Variants in AP5Z1 observed in about 807,000 individuals in gnomAD.
AP5Z1 encodes AP-5 complex subunit zeta-1.
AP5Z1 carries 106 observed loss-of-function variants against 83.0 expected under a neutral mutation model. That is an observed-to-expected ratio of 1.28 (90% CI 1.09 to 1.50). AP5Z1 has a LOEUF of 1.50. AP5Z1 is among the 40% of genes most tolerant of loss of function. AP5Z1 has a pLI of 0.00. For synonymous variants in AP5Z1, 751 were observed against 514.1 expected (o/e 1.46, Z -6.23); for missense variants, 1,565 against 1,094.2 (o/e 1.43, Z -6.07).
At chr7:4,790,263 GGCCAGCGCTGGT>G in intron 14 of AP5Z1, 184 bp from the exon 15 acceptor site, 4 of 1,543,614 alleles carry the variant, frequency 2.6e-6, no homozygotes, top group Non-Finnish European at 3.5e-6. Flanking sequence ...CTGGGCCTGA[GGCCAGCGCTGGT>G]GCCAGCCTTC....
chr7:4,781,123 T>C, intron 1 of AP5Z1, 52 bp from the exon 2 acceptor site: 2 of 1,587,444 alleles, frequency 1.3e-6, no homozygotes, highest in African/African-American at 2.7e-5. Context: ...ATCCTTTTTT[T>C]GGTTCCGAGC....
chr7:4,789,794 G>A, intron 13 of AP5Z1, 38 bp from the exon 14 acceptor site: 2 of 1,517,698 alleles, frequency 1.3e-6, no homozygotes, highest in Non-Finnish European at 1.8e-6. Flanking sequence ...CCTGCAGTGG[G>A]GGTGGGGCTG....
chr7:4,785,404 C>T lies in AP5Z1; in HGVS notation c.932-11C>T, dbSNP rs1781509910. On this transcript the variant is annotated splice_polypyrimidine_tract_variant and intron_variant, in intron 7 of 16. Transcript: ENST00000649063. ...GAGACAGAGCCGGCTGACTTTTTCC[C>T]CTCCTTCCAGGAGCCCTGAGGAAGG... The T allele has an allele frequency of 5.6e-6, 9 of 1,612,678 alleles. No individual in the cohort carries two copies. The highest frequency in any genetic ancestry group is 6.8e-6 in the Non-Finnish European group (8 of 1,179,310).
intron 14 of AP5Z1, chr7:4,790,172 C>T (rs1420708440): frequency 2.4e-5 from 36 of 1,528,608 alleles, no homozygotes; most frequent in Non-Finnish European, 3.1e-5. Context: ...TAGCTCAGGT[C>T]CCTCTTCCCC....
chr7:4,788,992 A>G, intron 13 of AP5Z1, 41 bp downstream of exon 13: 1 of 1,560,176 alleles, frequency 6.4e-7, no homozygotes, highest in African/African-American at 1.4e-5. Flanking sequence ...CACAGGCCTC[A>G]CAACTGAGGG....
chr7:4,785,020 C>T lies in AP5Z1; in HGVS notation c.903C>T (p.Cys301=), dbSNP rs767005823. Residue 301 remains cysteine (C), a synonymous_variant, in exon 7 of 17, where the codon TGC becomes TGT. Transcript: ENST00000649063. ...TTCGGGAGGTGGCCTTCGAGTACTG[C>T]CAGCGCCTCATTGAGCAAAGTAACC... is the stretch of plus-strand genomic sequence containing the variant. The part of the protein sequence containing the change: ...ERLREVAFEY[C]QRLIEQSNRR... 6.2e-6 allele frequency: 10 copies of T among 1,608,102 alleles called. No individual in the cohort carries two copies. The East Asian group carries it at 2.2e-4, about 36-fold the overall frequency.
In AP5Z1 at chr7:4,786,430, T is replaced by C. The variant is rs752913500; in HGVS notation, c.1311+2T>C. 1.2e-6 allele frequency: 2 copies of C among 1,613,166 alleles called. No homozygotes were observed. Among genetic ancestry groups the C allele is most frequent in the African/African-American group, 1.3e-5 (1 of 74,794 alleles). ...TTGAGCTTCCCCAACCTCTTTAAGG[T>C]ATATTTGGGCATCCCTGGGTGCCAG... is the stretch of plus-strand genomic sequence containing the variant. On this transcript the variant is annotated splice_donor_variant, in intron 10 of 16. Transcript: ENST00000649063. LOFTEE classifies it high-confidence loss of function.
chr7:4,787,616 G>T lies in AP5Z1; in HGVS notation c.1312-18G>T, dbSNP rs371028007. ...CACAGCTCCGAGCCGTGTCCGAACC[G>T]CTGTGCTGTGCCCACAGTTCCTGGC... is the stretch of plus-strand genomic sequence containing the variant. On this transcript the variant is annotated intron_variant, in intron 10 of 16. Coordinates refer to ENST00000649063, the MANE Select transcript of AP5Z1 (RefSeq NM_014855.3). 24 of 1,547,502 alleles carry T rather than the reference G, an allele frequency of 1.6e-5. No homozygotes were observed. In the East Asian group the frequency reaches 4.1e-4, roughly 27 times the overall value.
intron 10 of AP5Z1, among the ~76,000 whole-genome samples, chr7:4,786,982 G>A (rs1781567771): frequency 1.3e-5 from 2 of 152,068 alleles, no homozygotes; most frequent in South Asian, 4.2e-4. Flanking sequence ...ATGTTGGCCA[G>A]GCTGGTCTCG....
intron 12 of AP5Z1, 167 bp downstream of exon 12, chr7:4,788,461 G>A (rs952978945): frequency 1.4e-5 from 12 of 852,472 alleles, no homozygotes; most frequent in African/African-American, 6.9e-5. Context: ...TCTGCACCAC[G>A]GGTCTGCCGG....
rs775375260 is a variant in AP5Z1 at position 4,786,368 on chromosome 7, C to T, written c.1251C>T (p.Asn417=). ...AATTCATCCAGTTCTGCAGGGACAA[C>T]CTCCACCTGTTCAGCGGGCACCTCA... ...AFEFIQFCRD[N]LHLFSGHLST... Residue 417 remains asparagine (N), a synonymous_variant, in exon 10 of 17, where the codon AAC becomes AAT. Transcript: ENST00000649063. 32 of 1,613,812 alleles carry T rather than the reference C, an allele frequency of 2.0e-5. No individual in the cohort carries two copies. The highest frequency in any genetic ancestry group is 2.3e-5 in the Non-Finnish European group (27 of 1,179,874).
chr7:4,788,379 A>G, intron 12 of AP5Z1, 85 bp downstream of exon 12: 2 of 1,422,122 alleles, frequency 1.4e-6, no homozygotes, highest in South Asian at 1.5e-5. Context: ...GCTCAGCCCT[A>G]GGCTGAGGCC....
chr7:4,781,167 T>G lies in AP5Z1; in HGVS notation c.42-8T>G, dbSNP rs1447964583. On this transcript the variant is annotated splice_region_variant and splice_polypyrimidine_tract_variant and intron_variant, in intron 1 of 16. Transcript: ENST00000649063. Reference sequence around the variant, plus strand: ...CTTCTGGGTCCTGAAGTCCTCTTCTTTGTTTAGGGAGATCCAGGACGAGGA... The same window carrying G: ...CTTCTGGGTCCTGAAGTCCTCTTCTGTGTTTAGGGAGATCCAGGACGAGGA... 1.9e-6 allele frequency: 3 copies of G among 1,613,164 alleles called. No homozygotes were observed. Among genetic ancestry groups the G allele is most frequent in the Non-Finnish European group, 2.5e-6 (3 of 1,179,374 alleles).
intron 14 of AP5Z1, chr7:4,790,137 C>T (rs1270715588): frequency 1.4e-6 from 2 of 1,457,118 alleles, no homozygotes; most frequent in Non-Finnish European, 1.8e-6. Flanking sequence ...GTCCTTCTTT[C>T]TGCCGAGCCT....
intron 14 of AP5Z1, 52 bp downstream of exon 14, chr7:4,789,981 T>TGGGGGGGGGGGGGGGGG: frequency 7.4e-7 from 1 of 1,350,368 alleles, no homozygotes; most frequent in African/African-American, 1.5e-5. Context: ...CCTCCTGGAC[T>TGGGGGGGGGGGGGGGGG]CCTCCCCCTC....
intron 1 of AP5Z1, among the ~76,000 whole-genome samples, chr7:4,779,508 C>T (rs1781324472): frequency 6.7e-6 from 1 of 150,072 alleles, no homozygotes; most frequent in South Asian, 2.1e-4. Context: ...GAGTCTTACT[C>T]TGTCACCCAG....
rs1009691093 is a variant in AP5Z1, at chr7:4,778,817, GTTATA to G, written c.42-2351_42-2347del. On this transcript the variant is annotated intron_variant, in intron 1 of 16. Coordinates refer to ENST00000649063, the MANE Select transcript of AP5Z1 (RefSeq NM_014855.3). ...TATAATTATATGTTATATATTATAT[GTTATA>G]TTATATATCATTATATATAATATAT... Among the ~76,000 whole-genome samples, 1,069 of 143,618 alleles carry G rather than the reference GTTATA, an allele frequency of 7.4e-3. 9 individuals are homozygous for G. The highest frequency in any genetic ancestry group is 0.021 in the African/African-American group (826 of 39,248). The allele number at this position is 143,618 out of a possible 152,430, so 94.2% of individuals were successfully genotyped here. A position where few individuals can be genotyped will look rare whatever the true frequency, so the allele number is the denominator to read the frequency against.
In AP5Z1 at chr7:4,791,217, A is replaced by T; in HGVS notation, c.2256A>T (p.Thr752=). 1 of 1,612,754 alleles carries T rather than the reference A, an allele frequency of 6.2e-7. No homozygotes were observed. Among genetic ancestry groups the T allele is most frequent in the South Asian group, 1.1e-5 (1 of 91,056 alleles). ...CGGAAGCCATCCGTACCCGGGCCACAGAGCTGCTGACCCTGCTGAAGATGC... is the reference window on the plus strand; with the variant it reads ...CGGAAGCCATCCGTACCCGGGCCACTGAGCTGCTGACCCTGCTGAAGATGC... The part of the protein sequence containing the change: ...EGAEAIRTRA[T]ELLTLLKMPS... Residue 752 remains threonine (T), a synonymous_variant, in exon 17 of 17, where the codon ACA becomes ACT. Coordinates refer to ENST00000649063, the MANE Select transcript of AP5Z1 (RefSeq NM_014855.3).
chr7:4,785,241 GCCCGGC>G (rs1388673857), intron 7 of AP5Z1, among the ~76,000 whole-genome samples, 168 bp from the exon 8 acceptor site: 1 of 152,164 alleles, frequency 6.6e-6, no homozygotes, highest in Non-Finnish European at 1.5e-5. Flanking sequence ...CCAGCCCCCA[GCCCGGC>G]CCTGTCCCAC....
Sources: allele counts gnomAD v4.1 joint callset (sites outside exome capture counted in the v4.1 genomes callset), GRCh38; gene constraint gnomAD v4.1.1; transcripts MANE v1.5; gene names NCBI Gene and HGNC (gene_info 2026-07-23, HGNC 2026-07-21).